L3MBTL3: variants seen among roughly 807,000 people sequenced by gnomAD.
The protein encoded by L3MBTL3 is lethal(3)malignant brain tumor-like protein 3.
L3MBTL3 carries 27 observed loss-of-function variants against 102.3 expected under a neutral mutation model. The ratio of observed to expected loss-of-function variants is 0.26; its 90% CI spans 0.19 to 0.36. The LOEUF is 0.36. Ranked by LOEUF, L3MBTL3 falls within the 10% of genes least tolerant of loss-of-function variation. The pLI, the probability that L3MBTL3 is intolerant of heterozygous loss-of-function variation, is 1.00. For synonymous variants in L3MBTL3, 340 were observed against 320.9 expected, an observed-to-expected ratio of 1.06 and a Z score of -0.64; for missense variants, 798 against 955.3, an observed-to-expected ratio of 0.84 and a Z score of 2.17.
rs533313113 is a variant in L3MBTL3, at chr6:130,132,081, C to T, written c.1967-1371C>T. Among the ~76,000 whole-genome samples the T allele has an allele frequency of 5.3e-5, 8 of 152,294 alleles. No individual in the cohort carries two copies. In the East Asian group the frequency reaches 1.4e-3, roughly 26 times the overall value. ...CTGTACAAGAATGTTTGTAATAGCACTGTTTGTAATAGCACCAAATTAAAA... is the reference window on the plus strand; with the variant it reads ...CTGTACAAGAATGTTTGTAATAGCATTGTTTGTAATAGCACCAAATTAAAA... On this transcript the variant is annotated intron_variant, in intron 20 of 22. Coordinates refer to ENST00000361794, the MANE Select transcript of L3MBTL3 (RefSeq NM_032438.4).
chr6:130,044,327 T>A (rs1434592980), intron 3 of L3MBTL3, among the ~76,000 whole-genome samples: 3 of 152,226 alleles, frequency 2.0e-5, no homozygotes, highest in Admixed American at 1.3e-4. Context: ...CTATGTACAG[T>A]GCCATTTTTA....
chr6:130,107,420 G>A (rs1785057203), intron 19 of L3MBTL3, among the ~76,000 whole-genome samples: 1 of 152,052 alleles, frequency 6.6e-6, no homozygotes. Flanking sequence ...AAATAAAAAA[G>A]GTTATGAGGA....
chr6:130,048,941 A>AACACACACACACACACAC (rs6149808), intron 3 of L3MBTL3, among the ~76,000 whole-genome samples: 3,312 of 78,412 alleles, frequency 0.042, 114 homozygotes, highest in African/African-American at 0.085. Flanking sequence ...TCTTAGTTAA[A>AACACACACACACACACAC]ACACACACAC....
At chr6:130,066,546 C>A in intron 11 of L3MBTL3, 58 bp downstream of exon 11, 3 of 1,436,456 alleles carry the variant, frequency 2.1e-6, no homozygotes, top group Non-Finnish European at 2.9e-6. Context: ...TTCTTACATG[C>A]TACATTAGAA....
chr6:130,137,357 A>C (rs931847885), intron 22 of L3MBTL3, among the ~76,000 whole-genome samples: 4 of 152,220 alleles, frequency 2.6e-5, no homozygotes, highest in African/African-American at 9.7e-5. Context: ...CCGAAAAAAA[A>C]GTAAGCCTTG....
intron 20 of L3MBTL3, among the ~76,000 whole-genome samples, chr6:130,129,335 T>A (rs1297468310): frequency 6.6e-6 from 1 of 152,196 alleles, no homozygotes; most frequent in East Asian, 1.9e-4. Flanking sequence ...AATTTGTTCA[T>A]AAACATAATG....
intron 16 of L3MBTL3, among the ~76,000 whole-genome samples, chr6:130,088,111 T>TA (rs1783804989): frequency 6.6e-6 from 1 of 152,182 alleles, no homozygotes; most frequent in African/African-American, 2.4e-5. Flanking sequence ...ATCCACCTCT[T>TA]ACTTCTAGCT....
chr6:130,111,694 T>A (rs1392814119), intron 19 of L3MBTL3, among the ~76,000 whole-genome samples: 2 of 152,206 alleles, frequency 1.3e-5, no homozygotes, highest in Non-Finnish European at 2.9e-5. Context: ...GGGCAGCTAA[T>A]GTTCCATCAC....
intron 1 of L3MBTL3, chr6:130,019,425 G>C (rs1778788392): frequency 6.6e-6 from 1 of 151,614 alleles, no homozygotes; most frequent in Non-Finnish European, 1.5e-5. Flanking sequence ...GCGCGCACCG[G>C]AGAGCGAGCG....
At chr6:130,077,024 T>C (rs1282766876) in intron 13 of L3MBTL3, among the ~76,000 whole-genome samples, 2 of 152,122 alleles carry the variant, frequency 1.3e-5, no homozygotes, top group Non-Finnish European at 2.9e-5. Flanking sequence ...TAATATTCAG[T>C]GTTTCTACTT....
intron 7 of L3MBTL3, 156 bp from the exon 8 acceptor site, chr6:130,055,015 A>G (rs1781373659): frequency 1.6e-6 from 1 of 618,914 alleles, no homozygotes; most frequent in South Asian, 1.9e-5. Context: ...CAAAAGCAAC[A>G]GTTTTCAGAT....
At chr6:130,021,588 T>G (rs1356569932) in intron 1 of L3MBTL3, among the ~76,000 whole-genome samples, 1 of 152,232 alleles carries the variant, frequency 6.6e-6, no homozygotes, top group Non-Finnish European at 1.5e-5. Context: ...TTATTTTGAA[T>G]GTTAAGAAAA....
intron 2 of L3MBTL3, among the ~76,000 whole-genome samples, chr6:130,032,926 G>A (rs13208758): frequency 0.065 from 9,861 of 152,294 alleles, 471 homozygotes; most frequent in Non-Finnish European, 0.1. Flanking sequence ...CCAGGAGGTT[G>A]AGGCTGCCGT....
At chr6:130,058,917 G>A (rs1305293185) in intron 9 of L3MBTL3, among the ~76,000 whole-genome samples, 1 of 152,110 alleles carries the variant, frequency 6.6e-6, no homozygotes. Flanking sequence ...AACATAGCAA[G>A]CTTTTAAAAA....
chr6:130,109,550 GTTGT>G (rs1785221862), intron 19 of L3MBTL3, among the ~76,000 whole-genome samples: 1 of 152,136 alleles, frequency 6.6e-6, no homozygotes, highest in Non-Finnish European at 1.5e-5. Context: ...TTTTGATGGG[GTTGT>G]TTGTTTTTTT....
At chr6:130,092,717 G>A in intron 16 of L3MBTL3, 28 bp from the exon 17 acceptor site, 1 of 1,414,196 alleles carries the variant, frequency 7.1e-7, no homozygotes, top group Non-Finnish European at 1.0e-6. Context: ...GACTTAATTT[G>A]TACTGTTAAT....
intron 7 of L3MBTL3, among the ~76,000 whole-genome samples, chr6:130,054,469 G>A (rs1049695428): frequency 1.3e-5 from 2 of 152,210 alleles, no homozygotes; most frequent in African/African-American, 4.8e-5. Context: ...AACGTAAGAA[G>A]GCTGAAGATG....
At chr6:130,037,837 C>G (rs1014649517) in intron 2 of L3MBTL3, among the ~76,000 whole-genome samples, 1 of 152,090 alleles carries the variant, frequency 6.6e-6, no homozygotes, top group Non-Finnish European at 1.5e-5. Flanking sequence ...TTATTTTTAA[C>G]TATATTCACC....
intron 2 of L3MBTL3, among the ~76,000 whole-genome samples, chr6:130,040,952 T>A (rs1780382354): frequency 6.6e-6 from 1 of 152,262 alleles, no homozygotes; most frequent in African/African-American, 2.4e-5. Context: ...ATGCAATGGC[T>A]GCTACTACAG....
Sources: allele counts gnomAD v4.1 joint callset (sites outside exome capture counted in the v4.1 genomes callset), GRCh38; gene constraint gnomAD v4.1.1; transcripts MANE v1.5; gene names NCBI Gene and HGNC (gene_info 2026-07-23, HGNC 2026-07-21).